KIAA1549L: variants seen among roughly 807,000 people sequenced by gnomAD.
The protein encoded by KIAA1549L is KIAA1549 like, also known as UPF0606 protein KIAA1549L.
A neutral mutation model predicts 160.7 loss-of-function variants in KIAA1549L; 88 were observed. The observed-to-expected ratio is 0.55, with a 90% confidence interval of 0.46 to 0.65. The LOEUF (loss-of-function observed/expected upper bound fraction) is 0.65. Ranked by LOEUF, KIAA1549L falls within the 30% of genes least tolerant of loss-of-function variation. KIAA1549L has a pLI of 0.00. For synonymous variants in KIAA1549L, 950 were observed against 976.7 expected (o/e 0.97, Z 0.51); for missense variants, 2,258 against 2,437.5 (o/e 0.93, Z 1.55).
At chr11:33,528,233 A>T (rs1193238994) in intron 1 of KIAA1549L, among the ~76,000 whole-genome samples, 1 of 152,214 alleles carries the variant, frequency 6.6e-6, no homozygotes. Flanking sequence ...AAAATGCTCA[A>T]GATCACTAAT....
At chr11:33,532,552 G>C (rs550628358) in intron 1 of KIAA1549L, among the ~76,000 whole-genome samples, 5 of 152,214 alleles carry the variant, frequency 3.3e-5, no homozygotes, top group Admixed American at 6.5e-5. Flanking sequence ...CTGGCACACA[G>C]AGATGTTAAG....
At chr11:33,442,401 C>T (rs959221166) in intron 1 of KIAA1549L, among the ~76,000 whole-genome samples, 20 of 136,276 alleles carry the variant, frequency 1.5e-4, no homozygotes, top group Admixed American at 8.3e-4. Flanking sequence ...CTTGGCAATG[C>T]GGGCTCTTTT....
chr11:33,533,196 T>C (rs1853815018), intron 1 of KIAA1549L, among the ~76,000 whole-genome samples: 1 of 152,156 alleles, frequency 6.6e-6, no homozygotes, highest in Admixed American at 6.5e-5. Flanking sequence ...ATGGCGGGAA[T>C]AATTAGAGTG....
At chr11:33,476,271 G>T (rs1274002586) in intron 1 of KIAA1549L, among the ~76,000 whole-genome samples, 2 of 152,108 alleles carry the variant, frequency 1.3e-5, no homozygotes, top group African/African-American at 2.4e-5. Context: ...ACATCGAGAT[G>T]AATGAATGGG....
At chr11:33,618,182 C>A (rs1018513005) in intron 15 of KIAA1549L, among the ~76,000 whole-genome samples, 1 of 152,184 alleles carries the variant, frequency 6.6e-6, no homozygotes, top group Non-Finnish European at 1.5e-5. Context: ...TCAACAAAGG[C>A]AAGTTTGTTC....
intron 1 of KIAA1549L, among the ~76,000 whole-genome samples, chr11:33,407,007 G>A (rs969259962): frequency 6.6e-6 from 1 of 151,936 alleles, no homozygotes; most frequent in African/African-American, 2.4e-5. Flanking sequence ...ACTAGCTCAA[G>A]GTAGGGACTC....
intron 1 of KIAA1549L, among the ~76,000 whole-genome samples, chr11:33,478,439 T>C (rs1242339261): frequency 6.6e-6 from 1 of 152,226 alleles, no homozygotes; most frequent in Non-Finnish European, 1.5e-5. Context: ...AGAGGTTTTT[T>C]CAAGCTCTGC....
At position 33,544,133 on chromosome 11, in the gene KIAA1549L, T is replaced by G. The variant is rs771307342; in HGVS notation, c.2570T>G (p.Leu857Trp). Residue 857 changes from leucine (L) to tryptophan (W), a missense_variant, in exon 2 of 21, where the codon TTG (leucine) becomes TGG (tryptophan). Coordinates refer to ENST00000658780, the MANE Select transcript of KIAA1549L (RefSeq NM_012194.3). ...CCAGGACCAACTTCTACAGGTAGCTTGCAGGAAATGCTTTCAGATGGAACA... is the reference window on the plus strand; with the variant it reads ...CCAGGACCAACTTCTACAGGTAGCTGGCAGGAAATGCTTTCAGATGGAACA... The part of the protein sequence containing the change: ...TSPGPTSTGS[L>W]QEMLSDGTDT... 6.2e-7 allele frequency: 1 copy of G among 1,614,016 alleles called. No homozygotes were observed. Among genetic ancestry groups the G allele is most frequent in the Non-Finnish European group, 8.5e-7 (1 of 1,179,888 alleles).
At chr11:33,485,283 G>C (rs1316459991) in intron 1 of KIAA1549L, among the ~76,000 whole-genome samples, 5 of 152,106 alleles carry the variant, frequency 3.3e-5, no homozygotes, top group African/African-American at 1.2e-4. Flanking sequence ...ATGGCATTGG[G>C]GGGAGGTTGA....
intron 1 of KIAA1549L, among the ~76,000 whole-genome samples, chr11:33,441,316 A>G (rs1003437877): frequency 6.6e-5 from 10 of 151,820 alleles, no homozygotes; most frequent in African/African-American, 2.2e-4. Context: ...AATCCAGTCT[A>G]TCATTGTTGG....
intron 16 of KIAA1549L, among the ~76,000 whole-genome samples, chr11:33,622,675 A>T (rs566186953): frequency 1.2e-4 from 19 of 152,326 alleles, no homozygotes; most frequent in African/African-American, 4.6e-4. Context: ...ATTTAGCCTC[A>T]ACAGTACAGG....
chr11:33,620,762 G>A (rs571230704), intron 16 of KIAA1549L, among the ~76,000 whole-genome samples: 2 of 151,722 alleles, frequency 1.3e-5, no homozygotes, highest in African/African-American at 4.8e-5. Flanking sequence ...CTATATTTTT[G>A]AACCTCTGGA....
At chr11:33,650,403 T>C (rs903680906) in intron 17 of KIAA1549L, among the ~76,000 whole-genome samples, 2 of 152,086 alleles carry the variant, frequency 1.3e-5, no homozygotes, top group African/African-American at 4.8e-5. Context: ...GCAAGAAAAG[T>C]AACTTTATTT....
chr11:33,633,119 G>A lies in KIAA1549L; in HGVS notation c.5410-12567G>A, dbSNP rs141853267. 7.7e-3 allele frequency among the ~76,000 whole-genome samples: 1,122 copies of A among 144,942 alleles called. 14 individuals are homozygous for A. Among genetic ancestry groups the A allele is most frequent in the African/African-American group, 0.028 (1,068 of 38,216 alleles). ...GCCTCCCAAGTAACTGGGATGACAG[G>A]TGCCCACCACCATGCCCAGCTTTTT... On this transcript the variant is annotated intron_variant, in intron 16 of 20. Coordinates refer to ENST00000658780, the MANE Select transcript of KIAA1549L (RefSeq NM_012194.3).
intron 16 of KIAA1549L, among the ~76,000 whole-genome samples, chr11:33,637,545 G>T (rs1195598649): frequency 6.6e-6 from 1 of 152,212 alleles, no homozygotes; most frequent in South Asian, 2.1e-4. Flanking sequence ...GTTTGCTAGG[G>T]CACAGACTGG....
At position 33,673,244 on chromosome 11, in the gene KIAA1549L, C is replaced by T. The variant is rs1029902881; in HGVS notation, c.*5090C>T. 1 of 152,188 alleles carries T rather than the reference C, an allele frequency of 6.6e-6. No homozygotes were observed. The highest frequency in any genetic ancestry group is 2.4e-5 in the African/African-American group (1 of 41,444). 9.4% of individuals were successfully genotyped at this position (152,188 alleles called of 1,614,324 possible). A position where few individuals can be genotyped will look rare whatever the true frequency, so the allele number is the denominator to read the frequency against. ...ATCTGTCTCCATTGGTCAAACCATA[C>T]TTCAGTGAGAGCCATTATAAGTGAA... On this transcript the variant is annotated 3_prime_UTR_variant, in exon 21 of 21. Transcript: ENST00000658780.
chr11:33,623,039 T>A (rs1851003759), intron 16 of KIAA1549L, among the ~76,000 whole-genome samples: 1 of 152,260 alleles, frequency 6.6e-6, no homozygotes, highest in African/African-American at 2.4e-5. Flanking sequence ...GGAAAGTCCC[T>A]GACTGCTCAC....
chr11:33,542,654 T>C lies in KIAA1549L; in HGVS notation c.1091T>C (p.Leu364Pro). The change falls in exon 2 of 21, where the codon CTT (leucine) becomes CCT (proline). Residue 364 changes from leucine (L) to proline (P), a missense_variant. Physicochemically the swap from Leu to Pro is moderately conservative, Grantham distance 98. This residue lies in a region of KIAA1549L where 540 missense variants were observed against 465.7 expected (regional missense o/e 1.16). Coordinates refer to ENST00000658780, the MANE Select transcript of KIAA1549L (RefSeq NM_012194.3). ...CCCCCTCCCCCAGCACTTGGAAGTC[T>C]TCTTCAGCTTCCAGATGGAAGCCCC... ...PSPPPPALGSLLQLPDGSPSW... is the reference protein window; with the variant it reads ...PSPPPPALGSPLQLPDGSPSW... 5 of 1,613,832 alleles carry C rather than the reference T, an allele frequency of 3.1e-6. No homozygotes were observed. Among genetic ancestry groups the C allele is most frequent in the Non-Finnish European group, 4.2e-6 (5 of 1,179,832 alleles).
Position 33,435,759 on chromosome 11 carries a change from GATATATATATATATATATATATATAT to G in KIAA1549L, c.238+58897_238+58922del, listed in dbSNP as rs71034686. Among the ~76,000 whole-genome samples the G allele has an allele frequency of 1.5e-3, 22 of 14,980 alleles. 4 individuals are homozygous for G. Among genetic ancestry groups the G allele is most frequent in the Admixed American group, 5.3e-3 (5 of 950 alleles). The allele number at this position is 14,980 out of a possible 152,430, so 9.8% of individuals were successfully genotyped here. On this transcript the variant is annotated intron_variant, in intron 1 of 20. Transcript: ENST00000658780. ...CCTTCCAGAGAAACAGAACCAATAA[GATATATATATATATATATATATATAT>G]ATATATATATATATATATATATATA...
Sources: gnomAD v4.1 joint callset for allele counts (sites outside exome capture counted in the v4.1 genomes callset) on GRCh38, gnomAD v4.1.1 for gene constraint, gnomAD v4.1.1 regional missense constraint, MANE v1.5 for transcripts, NCBI Gene and HGNC (gene_info 2026-07-23, HGNC 2026-07-21) for gene names.